Variants in LRRC49 observed in about 807,000 individuals in gnomAD.
LRRC49 encodes the protein leucine rich repeat containing 49, also known as leucine-rich repeat-containing protein 49.
Under a neutral mutation model 83.3 loss-of-function variants are expected in LRRC49, and 50 were observed. The ratio of observed to expected loss-of-function variants is 0.60; its 90% CI spans 0.48 to 0.76. The LOEUF (loss-of-function observed/expected upper bound fraction) is 0.76. LRRC49 is among the 30% of genes least tolerant of loss of function. LRRC49 has a pLI of 0.00. For synonymous variants in LRRC49, 286 were observed against 283.3 expected, an observed-to-expected ratio of 1.01 and a Z score of -0.10; for missense variants, 704 against 809.1, an observed-to-expected ratio of 0.87 and a Z score of 1.58.
chr15:70,944,447 C>T (rs548986449), intron 8 of LRRC49, among the ~76,000 whole-genome samples: 1 of 152,234 alleles, frequency 6.6e-6, no homozygotes, highest in Non-Finnish European at 1.5e-5. Context: ...CTCTGTCGCC[C>T]AGGCTGTAGT....
chr15:70,875,346 A>G (rs1567032612), intron 2 of LRRC49, among the ~76,000 whole-genome samples: 1 of 152,178 alleles, frequency 6.6e-6, no homozygotes, highest in African/African-American at 2.4e-5. Context: ...CGGAATCAAG[A>G]TATATGGGTA....
intron 6 of LRRC49, chr15:70,918,786 A>G (rs2034892949): frequency 3.4e-6 from 1 of 295,882 alleles, no homozygotes; most frequent in South Asian, 5.2e-5. Context: ...AAGTTGCCCA[A>G]TGGACTCATT....
chr15:71,048,301 C>T (rs530997921), intron 15 of LRRC49, among the ~76,000 whole-genome samples: 2 of 150,930 alleles, frequency 1.3e-5, no homozygotes, highest in African/African-American at 4.9e-5. Flanking sequence ...CGCTATGTTG[C>T]CCAGGCTGGT....
intron 8 of LRRC49, among the ~76,000 whole-genome samples, chr15:70,963,363 C>T (rs999472848): frequency 4.6e-5 from 7 of 151,418 alleles, no homozygotes; most frequent in African/African-American, 1.7e-4. Context: ...GGGGGTCATC[C>T]TACAAAATAA....
At chr15:70,960,887 T>C (rs11853140) in intron 8 of LRRC49, among the ~76,000 whole-genome samples, 43,577 of 151,998 alleles carry the variant, frequency 0.29, 7,682 homozygotes, top group Non-Finnish European at 0.39. Flanking sequence ...AGTTTTTAGA[T>C]ACAGGACCAA....
At chr15:70,963,390 G>A (rs998373037) in intron 8 of LRRC49, among the ~76,000 whole-genome samples, 1 of 151,324 alleles carries the variant, frequency 6.6e-6, no homozygotes, top group Non-Finnish European at 1.5e-5. Flanking sequence ...AGTATTCCTC[G>A]AAACTGTCAA....
intron 5 of LRRC49, among the ~76,000 whole-genome samples, chr15:70,910,179 A>G (rs1032674833): frequency 2.6e-5 from 4 of 152,154 alleles, no homozygotes; most frequent in African/African-American, 4.8e-5. Context: ...CTACAGCTAC[A>G]TAGCGATGAT....
chr15:70,987,760 C>T (rs1596104992), intron 11 of LRRC49, among the ~76,000 whole-genome samples: 1 of 152,116 alleles, frequency 6.6e-6, no homozygotes, highest in South Asian at 2.1e-4. Context: ...CCTGCTTTCT[C>T]TTGTGGGCAT....
At chr15:70,949,915 T>C (rs1170687479) in intron 8 of LRRC49, among the ~76,000 whole-genome samples, 3 of 152,116 alleles carry the variant, frequency 2.0e-5, no homozygotes, top group Non-Finnish European at 2.9e-5. Flanking sequence ...ATTACCAAGG[T>C]AGTGAGCACA....
At chr15:70,960,896 A>G (rs1404177495) in intron 8 of LRRC49, among the ~76,000 whole-genome samples, 5 of 152,306 alleles carry the variant, frequency 3.3e-5, no homozygotes, top group African/African-American at 1.2e-4. Flanking sequence ...ATACAGGACC[A>G]AAAGTAGGAT....
chr15:70,915,942 A>G (rs2034754971), intron 6 of LRRC49, among the ~76,000 whole-genome samples: 2 of 152,222 alleles, frequency 1.3e-5, no homozygotes, highest in South Asian at 4.1e-4. Flanking sequence ...GTGTCCAAAT[A>G]ACAATGTGAA....
intron 14 of LRRC49, among the ~76,000 whole-genome samples, chr15:71,034,336 C>G (rs2039453504): frequency 1.3e-5 from 2 of 152,168 alleles, no homozygotes; most frequent in Admixed American, 1.3e-4. Flanking sequence ...CAATGAAATA[C>G]TATCTCATGC....
At chr15:70,966,156 T>G (rs2141202243) in intron 9 of LRRC49, among the ~76,000 whole-genome samples, 1 of 152,290 alleles carries the variant, frequency 6.6e-6, no homozygotes, top group Middle Eastern at 3.4e-3. Context: ...AAACAATATC[T>G]TAATTGAATT....
intron 9 of LRRC49, among the ~76,000 whole-genome samples, chr15:70,968,167 G>A (rs2036859970): frequency 6.6e-6 from 1 of 152,002 alleles, no homozygotes; most frequent in Non-Finnish European, 1.5e-5. Context: ...GCCCTGGTAT[G>A]TGATGTTCCC....
intron 7 of LRRC49, among the ~76,000 whole-genome samples, chr15:70,925,253 A>G (rs1227390685): frequency 2.0e-5 from 3 of 152,100 alleles, no homozygotes; most frequent in Admixed American, 2.0e-4. Flanking sequence ...GCATTTTAAA[A>G]TATTACACCA....
intron 15 of LRRC49, among the ~76,000 whole-genome samples, chr15:71,046,050 A>G (rs114448211): frequency 0.012 from 1,868 of 152,308 alleles, 44 homozygotes; most frequent in African/African-American, 0.043. Flanking sequence ...CTATGTAGTT[A>G]CTATTCCATG....
At chr15:71,043,144 C>T (rs1340615218) in intron 15 of LRRC49, among the ~76,000 whole-genome samples, 3 of 152,170 alleles carry the variant, frequency 2.0e-5, no homozygotes, top group Non-Finnish European at 4.4e-5. Flanking sequence ...AGAGTTTTCT[C>T]TATGGAAGTA....
upstream of LRRC49, among the ~76,000 whole-genome samples, chr15:70,890,440 A>T (rs898504384): frequency 6.6e-6 from 1 of 152,220 alleles, no homozygotes; most frequent in Non-Finnish European, 1.5e-5. Context: ...ATCATTCCAT[A>T]AATATTTATT....
intron 3 of LRRC49, among the ~76,000 whole-genome samples, chr15:70,899,005 A>C (rs2033956594): frequency 6.6e-6 from 1 of 152,150 alleles, no homozygotes; most frequent in Non-Finnish European, 1.5e-5. Context: ...CTTTTACCCT[A>C]ATCATTCTTA....
Sources: gnomAD v4.1 joint callset for allele counts (sites outside exome capture counted in the v4.1 genomes callset) on GRCh38, gnomAD v4.1.1 for gene constraint, MANE v1.5 for transcripts, NCBI Gene and HGNC (gene_info 2026-07-23, HGNC 2026-07-21) for gene names.